The following NAALADL2 variants were observed in gnomAD, a reference collection of about 807,000 sequenced individuals.
NAALADL2 encodes the protein inactive N-acetylated-alpha-linked acidic dipeptidase-like protein 2.
In NAALADL2, 76 loss-of-function variants were observed where a neutral mutation model predicts 87.2. The observed-to-expected ratio is 0.87, with a 90% confidence interval of 0.72 to 1.05. The LOEUF (loss-of-function observed/expected upper bound fraction) is 1.05, where lower values mean the gene tolerates loss of function less well. Among genes scored for constraint, NAALADL2 ranks in the 50% least tolerant of loss-of-function variants. The pLI is 0.00. For synonymous variants in NAALADL2, 354 were observed against 331.0 expected, an observed-to-expected ratio of 1.07 and a Z score of -0.75; for missense variants, 1,089 against 945.8, an observed-to-expected ratio of 1.15 and a Z score of -1.99.
At chr3:175,591,745 ATATATT>A (rs1230159674) in intron 10 of NAALADL2, among the ~76,000 whole-genome samples, 1 of 150,172 alleles carries the variant, frequency 6.7e-6, no homozygotes, top group Non-Finnish European at 1.5e-5. Flanking sequence ...TTCTAGAAAT[ATATATT>A]TATATATGCG....
At chr3:175,100,361 G>A (rs1296438905) in intron 2 of NAALADL2, among the ~76,000 whole-genome samples, 1 of 152,100 alleles carries the variant, frequency 6.6e-6, no homozygotes, top group Non-Finnish European at 1.5e-5. Context: ...TGTGCTATAC[G>A]TCCCGGTCTC....
At chr3:175,060,924 T>C (rs1407773547) in intron 1 of NAALADL2, among the ~76,000 whole-genome samples, 3 of 152,100 alleles carry the variant, frequency 2.0e-5, no homozygotes, top group African/African-American at 7.2e-5. Context: ...GCACATGCGG[T>C]AATCCCAGCT....
intron 1 of NAALADL2, among the ~76,000 whole-genome samples, chr3:175,004,376 C>CAAAAAAAA (rs538715061): frequency 8.9e-5 from 3 of 33,846 alleles, no homozygotes; most frequent in African/African-American, 1.2e-4. Flanking sequence ...GAGACTATTT[C>CAAAAAAAA]AAAAAAAAAA....
intron 5 of NAALADL2, among the ~76,000 whole-genome samples, chr3:175,385,674 G>T (rs1217129897): frequency 6.6e-6 from 1 of 151,988 alleles, no homozygotes; most frequent in Non-Finnish European, 1.5e-5. Flanking sequence ...CAGGTGACGG[G>T]TCTCCCAATT....
intron 9 of NAALADL2, among the ~76,000 whole-genome samples, chr3:175,488,212 A>T (rs1232184805): frequency 6.6e-6 from 1 of 152,254 alleles, no homozygotes; most frequent in Non-Finnish European, 1.5e-5. Context: ...TTCTTTCAAA[A>T]GAAATTGAAC....
chr3:174,529,662 G>T (rs1482520073), intron 1 of NAALADL2, among the ~76,000 whole-genome samples: 1 of 152,198 alleles, frequency 6.6e-6, no homozygotes, highest in Non-Finnish European at 1.5e-5. Context: ...TTGAAATCTA[G>T]GCTGAGGTTC....
At chr3:175,035,320 A>G (rs778335863) in intron 1 of NAALADL2, among the ~76,000 whole-genome samples, 7 of 152,170 alleles carry the variant, frequency 4.6e-5, no homozygotes, top group Admixed American at 1.3e-4. Flanking sequence ...TGTCTGAGGG[A>G]TAGAAGGACG....
In NAALADL2 at chr3:174,916,109, AT is replaced by A. The variant is rs1444626171; in HGVS notation, c.43+56660del. ...GAAGGTATACAAACAGCCAACAAACATAAAAAAATGCTCAACATCGCTAATC... is the reference window on the plus strand; with the variant it reads ...GAAGGTATACAAACAGCCAACAAACAAAAAAAATGCTCAACATCGCTAATC... On this transcript the variant is annotated intron_variant, in intron 1 of 13. Coordinates refer to ENST00000454872, the MANE Select transcript of NAALADL2 (RefSeq NM_207015.3). 2.0e-5 allele frequency among the ~76,000 whole-genome samples: 3 copies of A among 152,186 alleles called. No individual in the cohort carries two copies. The East Asian group carries it at 5.8e-4, about 29-fold the overall frequency.
At chr3:174,849,745 A>T (rs992777510) in intron 3 of NAALADL2, among the ~76,000 whole-genome samples, 2 of 151,236 alleles carry the variant, frequency 1.3e-5, no homozygotes, top group African/African-American at 4.8e-5. Context: ...AAAAAAAAAA[A>T]AAAAAAAAAA....
At chr3:174,765,143 C>A (rs57516691) in intron 3 of NAALADL2, among the ~76,000 whole-genome samples, 30 of 124,630 alleles carry the variant, frequency 2.4e-4, no homozygotes, top group Non-Finnish European at 4.1e-4. Context: ...CACACACACA[C>A]GAGAGAGAGA....
intron 10 of NAALADL2, among the ~76,000 whole-genome samples, chr3:175,583,509 A>T (rs9290563): frequency 0.14 from 19,900 of 141,832 alleles, 3,531 homozygotes; most frequent in African/African-American, 0.41. Context: ...AAAAAAAATC[A>T]GATGTGTGGG....
At chr3:175,682,720 A>G (rs919952008) in intron 11 of NAALADL2, among the ~76,000 whole-genome samples, 1 of 151,978 alleles carries the variant, frequency 6.6e-6, no homozygotes, top group African/African-American at 2.4e-5. Context: ...TCTTTTTTTC[A>G]ATTTTATAGA....
At chr3:174,751,662 C>CAA (rs35752458) in intron 3 of NAALADL2, among the ~76,000 whole-genome samples, 12,764 of 128,328 alleles carry the variant, frequency 0.099, 864 homozygotes, top group Non-Finnish European at 0.13. Flanking sequence ...GACTTTGTCT[C>CAA]AAAAAAAAAA....
At chr3:175,221,807 G>A (rs899083429) in intron 2 of NAALADL2, among the ~76,000 whole-genome samples, 3 of 143,314 alleles carry the variant, frequency 2.1e-5, no homozygotes, top group South Asian at 2.2e-4. Flanking sequence ...ATGGAGTCTC[G>A]CTCTGTCACC....
chr3:175,050,360 T>C (rs1755215422), intron 1 of NAALADL2, among the ~76,000 whole-genome samples: 2 of 152,284 alleles, frequency 1.3e-5, no homozygotes, highest in East Asian at 3.9e-4. Flanking sequence ...CCTCCTGGGT[T>C]CAAACAGTTC....
At chr3:175,416,030 G>C (rs928527105) in intron 5 of NAALADL2, among the ~76,000 whole-genome samples, 10 of 151,122 alleles carry the variant, frequency 6.6e-5, no homozygotes, top group African/African-American at 2.2e-4. Context: ...GCTGAGATGG[G>C]AGGATCCCGT....
At chr3:175,056,587 G>A (rs1712233031) in intron 1 of NAALADL2, among the ~76,000 whole-genome samples, 1 of 152,150 alleles carries the variant, frequency 6.6e-6, no homozygotes, top group African/African-American at 2.4e-5. Flanking sequence ...AAATATAGAG[G>A]TGTGGAGTGG....
chr3:175,572,766 G>C lies in NAALADL2; in HGVS notation c.1654-3275G>C, dbSNP rs147199566. On this transcript the variant is annotated intron_variant, in intron 9 of 13. Transcript: ENST00000454872. Reference sequence around the variant, plus strand: ...AGAACTGTGCTCTATGTAACTGTTAGAGCAAACAAATGTTGCAAGTAGCTG... The same window carrying C: ...AGAACTGTGCTCTATGTAACTGTTACAGCAAACAAATGTTGCAAGTAGCTG... 2.2e-3 allele frequency among the ~76,000 whole-genome samples: 329 copies of C among 152,216 alleles called. 1 individual carries two copies. Among genetic ancestry groups the C allele is most frequent in the African/African-American group, 7.8e-3 (323 of 41,550 alleles).
chr3:175,359,143 C>T (rs1336566800), intron 5 of NAALADL2, among the ~76,000 whole-genome samples: 2 of 152,018 alleles, frequency 1.3e-5, no homozygotes, highest in African/African-American at 4.8e-5. Flanking sequence ...TGCACAATCT[C>T]CAAAGTAGCA....
Sources: gnomAD v4.1 joint callset for allele counts (sites outside exome capture counted in the v4.1 genomes callset) on GRCh38, gnomAD v4.1.1 for gene constraint, MANE v1.5 for transcripts, NCBI Gene and HGNC (gene_info 2026-07-23, HGNC 2026-07-21) for gene names.